The following SCN11A variants were observed in gnomAD, a reference collection of about 807,000 sequenced individuals.
The protein encoded by SCN11A is sodium voltage-gated channel alpha subunit 11, also known as sodium channel protein type 11 subunit alpha.
SCN11A carries 122 observed loss-of-function variants against 162.2 expected under a neutral mutation model. The ratio of observed to expected loss-of-function variants is 0.75; its 90% confidence interval spans 0.65 to 0.87. The LOEUF is 0.87. Among genes scored for constraint, SCN11A ranks in the 40% least tolerant of loss-of-function variants. The probability of loss-of-function intolerance (pLI) is 0.00; values close to 1 mark genes in which losing one functional copy is unlikely to be tolerated. For synonymous variants in SCN11A, 758 were observed against 751.5 expected (o/e 1.01, Z -0.14); for missense variants, 2,015 against 2,181.6 (o/e 0.92, Z 1.52).
intron 2 of SCN11A, among the ~76,000 whole-genome samples, chr3:39,011,746 G>C (rs1301878896): frequency 6.6e-6 from 1 of 152,130 alleles, no homozygotes; most frequent in African/African-American, 2.4e-5. Context: ...TATTTCCAAG[G>C]TTGGGGGCGG....
intron 28 of SCN11A, among the ~76,000 whole-genome samples, chr3:38,854,808 TAGA>T (rs1447573479): frequency 9.2e-5 from 14 of 152,142 alleles, no homozygotes; most frequent in African/African-American, 2.9e-4. Flanking sequence ...AGTGCAAAAG[TAGA>T]AGAAGCAACA....
chr3:38,857,138 G>T lies in SCN11A; in HGVS notation c.4056+6057C>A, dbSNP rs1000910065. ...AGATCATACTAGCTTCTCAGCAATG[G>T]ATCCAAACCAAGAAGAAATCTCTGA... On this transcript the variant is annotated intron_variant, in intron 28 of 29. Transcript: ENST00000302328. 1.1e-4 allele frequency among the ~76,000 whole-genome samples: 17 copies of T among 152,052 alleles called. 1 individual carries two copies. Among genetic ancestry groups the T allele is most frequent in the Admixed American group, 1.1e-3 (17 of 15,260 alleles).
At chr3:39,020,085 G>A (rs772777795) in intron 2 of SCN11A, among the ~76,000 whole-genome samples, 1 of 152,050 alleles carries the variant, frequency 6.6e-6, no homozygotes, top group East Asian at 1.9e-4. Context: ...TTAACCTAAG[G>A]CTCAATTTCT....
chr3:39,051,191 G>A (rs1255111301), intron 1 of SCN11A, among the ~76,000 whole-genome samples: 1 of 151,694 alleles, frequency 6.6e-6, no homozygotes. Context: ...CTTGTGTCAC[G>A]GGTGTTTGTT....
intron 14 of SCN11A, among the ~76,000 whole-genome samples, chr3:38,906,407 G>C (rs577528564): frequency 1.3e-5 from 2 of 152,046 alleles, no homozygotes; most frequent in East Asian, 3.9e-4. Context: ...CCTGCTTGGA[G>C]GTCCCATAAG....
intron 2 of SCN11A, among the ~76,000 whole-genome samples, chr3:39,031,785 T>C (rs1405682681): frequency 6.6e-6 from 1 of 152,176 alleles, no homozygotes; most frequent in Non-Finnish European, 1.5e-5. Context: ...TATGAAGAAA[T>C]TATGCGGCTT....
chr3:38,968,203 T>A (rs569473462), intron 2 of SCN11A, among the ~76,000 whole-genome samples: 2 of 152,356 alleles, frequency 1.3e-5, no homozygotes, highest in African/African-American at 4.8e-5. Flanking sequence ...TGGTTTTCTC[T>A]GATCCTAGTA....
intron 7 of SCN11A, among the ~76,000 whole-genome samples, chr3:38,932,884 C>T (rs1396876382): frequency 2.6e-5 from 4 of 152,182 alleles, no homozygotes; most frequent in Admixed American, 6.5e-5. Context: ...TCTCCCAGCA[C>T]CCAGCTGGAG....
At chr3:39,000,983 G>A (rs2030794611) in intron 2 of SCN11A, among the ~76,000 whole-genome samples, 1 of 152,162 alleles carries the variant, frequency 6.6e-6, no homozygotes, top group South Asian at 2.1e-4. Context: ...GTTGCAGTGA[G>A]CCATGATCAT....
intron 2 of SCN11A, among the ~76,000 whole-genome samples, chr3:39,017,983 T>G (rs1002078780): frequency 6.6e-6 from 1 of 152,238 alleles, no homozygotes. Flanking sequence ...GGAACACCAT[T>G]AATTTATTTG....
intron 2 of SCN11A, among the ~76,000 whole-genome samples, chr3:39,018,035 T>C (rs1400426559): frequency 6.6e-6 from 1 of 152,270 alleles, no homozygotes; most frequent in African/African-American, 2.4e-5. Flanking sequence ...TTAAGATTTG[T>C]TAGGTAAAAC....
intron 2 of SCN11A, among the ~76,000 whole-genome samples, chr3:38,986,495 G>A (rs768588438): frequency 6.6e-6 from 1 of 152,156 alleles, no homozygotes; most frequent in African/African-American, 2.4e-5. Context: ...CTTTATGAAC[G>A]GTGATGCAGT....
At chr3:38,969,293 A>G (rs1185378804) in intron 2 of SCN11A, among the ~76,000 whole-genome samples, 1 of 152,128 alleles carries the variant, frequency 6.6e-6, no homozygotes, top group Non-Finnish European at 1.5e-5. Flanking sequence ...GGCTTCAAAT[A>G]TTTTCTCAAT....
intron 2 of SCN11A, among the ~76,000 whole-genome samples, chr3:38,968,034 G>A (rs551013573): frequency 1.3e-5 from 2 of 152,182 alleles, no homozygotes; most frequent in Admixed American, 1.3e-4. Context: ...CAGAGAACAG[G>A]GGTGTCACAC....
chr3:38,914,301 G>A (rs779777446), intron 11 of SCN11A, among the ~76,000 whole-genome samples: 20 of 151,876 alleles, frequency 1.3e-4, no homozygotes, highest in African/African-American at 2.2e-4. Flanking sequence ...TTGGCTGTTG[G>A]TATACAGGAA....
chr3:38,974,461 C>T lies in SCN11A; in HGVS notation c.-279-14038G>A, dbSNP rs1054830678. The stretch of plus-strand genomic sequence containing the variant: ...CTATAATCCCAGCACTTTGGGAGGC[C>T]GAGGCGGGCAGATCACGAGGTCAGG... On this transcript the variant is annotated intron_variant, in intron 2 of 29. Coordinates refer to ENST00000302328, the MANE Select transcript of SCN11A (RefSeq NM_001349253.2). Among the ~76,000 whole-genome samples, 9 of 151,856 alleles carry T rather than the reference C, an allele frequency of 5.9e-5. No individual in the cohort carries two copies. In the South Asian group the frequency reaches 6.2e-4, roughly 11 times the overall value.
chr3:38,981,699 T>C lies in SCN11A; in HGVS notation c.-279-21276A>G, dbSNP rs541438392. 4.1e-4 allele frequency among the ~76,000 whole-genome samples: 63 copies of C among 151,992 alleles called. 1 individual carries two copies. Among genetic ancestry groups the C allele is most frequent in the Non-Finnish European group, 3.4e-4 (23 of 67,936 alleles). On this transcript the variant is annotated intron_variant, in intron 2 of 29. Coordinates refer to ENST00000302328, the MANE Select transcript of SCN11A (RefSeq NM_001349253.2). ...CACCAGGGCAATCCACAGGGAGAAT[T>C]CCAGTTCAAAAAACATAAGGGAGAG...
At chr3:38,977,613 C>T (rs2066857022) in intron 2 of SCN11A, among the ~76,000 whole-genome samples, 1 of 152,188 alleles carries the variant, frequency 6.6e-6, no homozygotes, top group Non-Finnish European at 1.5e-5. Context: ...CTTTGCTCTG[C>T]AAGTAAAGCT....
chr3:38,869,838 G>C (rs1167112970), intron 26 of SCN11A, among the ~76,000 whole-genome samples: 1 of 152,160 alleles, frequency 6.6e-6, no homozygotes, highest in African/African-American at 2.4e-5. Context: ...ATGCTCAACT[G>C]TAAGTATTAT....
Sources: gnomAD v4.1 joint callset for allele counts (sites outside exome capture counted in the v4.1 genomes callset) on GRCh38, gnomAD v4.1.1 for gene constraint, MANE v1.5 for transcripts, NCBI Gene and HGNC (gene_info 2026-07-23, HGNC 2026-07-21) for gene names.